The following FER1L6 variants were observed in gnomAD, a reference collection of about 807,000 sequenced individuals.
The protein encoded by FER1L6 is fer-1-like protein 6.
FER1L6 carries 177 observed loss-of-function variants against 219.2 expected under a neutral mutation model. That is an observed-to-expected ratio of 0.81 (90% CI 0.71 to 0.91). The LOEUF is 0.91. Ranked by LOEUF, FER1L6 falls within the 40% of genes least tolerant of loss-of-function variation. The pLI, the probability that FER1L6 is intolerant of heterozygous loss-of-function variation, is 0.00. For synonymous variants in FER1L6, 768 were observed against 824.3 expected (o/e 0.93, Z 1.17); for missense variants, 2,153 against 2,259.9 (o/e 0.95, Z 0.96).
intron 1 of FER1L6, among the ~76,000 whole-genome samples, chr8:123,883,311 G>C (rs970904013): frequency 6.6e-5 from 10 of 152,256 alleles, no homozygotes; most frequent in African/African-American, 2.2e-4. Context: ...AGCTTTACAG[G>C]CTGCCTCAAG....
chr8:123,966,059 C>CAAGT lies in FER1L6; in HGVS notation c.252+3_252+6dup. On this transcript the variant is annotated frameshift_variant and splice_region_variant, in exon 4 of 41. Transcript: ENST00000522917. LOFTEE classifies it high-confidence loss of function. ...TGGGGAGGTCAGATCCCAAAATTAT[C>CAAGT]AAGTAAGTGATTGGCTCTTCCTGCC... 3 of 1,613,650 alleles carry CAAGT rather than the reference C, an allele frequency of 1.9e-6. No individual in the cohort carries two copies. The highest frequency in any genetic ancestry group is 2.5e-6 in the Non-Finnish European group (3 of 1,179,786).
intron 33 of FER1L6, 48 bp downstream of exon 33, chr8:124,082,506 A>G (rs1821602131): frequency 6.4e-7 from 1 of 1,560,260 alleles, no homozygotes; most frequent in South Asian, 1.1e-5. Context: ...AAGCTGTTGT[A>G]GCCTTTAGGG....
At position 123,871,999 on chromosome 8, in the gene FER1L6, C is replaced by G. The variant is rs182744719; in HGVS notation, c.-8+19814C>G. Among the ~76,000 whole-genome samples, 5 of 152,274 alleles carry G rather than the reference C, an allele frequency of 3.3e-5. No individual in the cohort carries two copies. In the East Asian group the frequency reaches 9.6e-4, roughly 29 times the overall value. On this transcript the variant is annotated intron_variant, in intron 1 of 40. Transcript: ENST00000522917. ...TTATAAAGAAAAGAGGTTTAATTGG[C>G]TGTACAGGAAGTATAACACAGGTAT...
intron 5 of FER1L6, among the ~76,000 whole-genome samples, chr8:123,968,777 G>A (rs1815670068): frequency 6.6e-6 from 1 of 152,180 alleles, no homozygotes; most frequent in Non-Finnish European, 1.5e-5. Flanking sequence ...CTCTTATAAT[G>A]TATGATGACA....
intron 1 of FER1L6, among the ~76,000 whole-genome samples, chr8:123,863,917 G>T (rs1019547333): frequency 1.3e-5 from 2 of 150,866 alleles, no homozygotes; most frequent in African/African-American, 5.0e-5. Context: ...ACACTGATGG[G>T]TCTTGACTCT....
At chr8:124,087,232 G>C (rs1478703099) in intron 33 of FER1L6, among the ~76,000 whole-genome samples, 2 of 151,666 alleles carry the variant, frequency 1.3e-5, no homozygotes, top group Non-Finnish European at 2.9e-5. Context: ...CCTCTTGGAG[G>C]CTGTTTTCTA....
At chr8:124,114,894 CGTATAT>C (rs1268271234) in intron 39 of FER1L6, among the ~76,000 whole-genome samples, 8 of 30,930 alleles carry the variant, frequency 2.6e-4, no homozygotes, top group African/African-American at 4.8e-4. Context: ...TGTGTGTGTG[CGTATAT>C]ATATATATAT....
intron 25 of FER1L6, among the ~76,000 whole-genome samples, chr8:124,063,973 G>T (rs1820709274): frequency 6.6e-6 from 1 of 152,090 alleles, no homozygotes; most frequent in Admixed American, 6.5e-5. Context: ...TGGCTCTCTG[G>T]AGCTCCAAAG....
At chr8:123,939,374 A>G (rs527714449) in intron 1 of FER1L6, among the ~76,000 whole-genome samples, 1 of 152,354 alleles carries the variant, frequency 6.6e-6, no homozygotes, top group South Asian at 2.1e-4. Flanking sequence ...TGGAAGGTCT[A>G]TTTGTGAATC....
intron 39 of FER1L6, among the ~76,000 whole-genome samples, chr8:124,105,652 G>A (rs1822737265): frequency 6.6e-6 from 1 of 152,234 alleles, no homozygotes; most frequent in Non-Finnish European, 1.5e-5. Context: ...TGTGCCCATT[G>A]GACTTAACGG....
chr8:123,874,990 A>G (rs940982258), intron 1 of FER1L6, among the ~76,000 whole-genome samples: 7 of 152,056 alleles, frequency 4.6e-5, no homozygotes, highest in Non-Finnish European at 8.8e-5. Context: ...ACGTCAAGAG[A>G]TAGAGACCAT....
Position 123,852,126 on chromosome 8 carries a change from G to A in FER1L6, c.-67G>A, listed in dbSNP as rs549470928. 6.6e-6 allele frequency: 1 copy of A among 152,370 alleles called. No homozygotes were observed. The highest frequency in any genetic ancestry group is 1.5e-5 in the Non-Finnish European group (1 of 68,072). 9.4% of individuals were successfully genotyped at this position (152,370 alleles called of 1,614,324 possible). On this transcript the variant is annotated 5_prime_UTR_variant, in exon 1 of 41. The change creates a new upstream start codon in the 5' untranslated region. Coordinates refer to ENST00000522917, the MANE Select transcript of FER1L6 (RefSeq NM_001039112.2). This position sits in a 1 kb window ranked among gnomAD's most constrained non-coding sequence, Gnocchi z 4.9. ...ACTGCTGCGCTTCATTTGCTGTGAA[G>A]TGAGTCCCTTGATCAGAGCAATGCT...
intron 31 of FER1L6, among the ~76,000 whole-genome samples, chr8:124,075,410 G>A (rs1000650486): frequency 6.6e-6 from 1 of 152,114 alleles, no homozygotes; most frequent in Admixed American, 6.5e-5. Context: ...TCCCCATCTT[G>A]TCCCACTGGA....
At chr8:123,948,357 G>C (rs1180520257) in intron 1 of FER1L6, among the ~76,000 whole-genome samples, 1 of 152,134 alleles carries the variant, frequency 6.6e-6, no homozygotes, top group Non-Finnish European at 1.5e-5. Flanking sequence ...AACATAAAAA[G>C]CCATACCCAC....
intron 12 of FER1L6, among the ~76,000 whole-genome samples, 165 bp from the exon 13 acceptor site, chr8:124,003,002 C>G (rs768453747): frequency 1.1e-3 from 174 of 152,166 alleles, no homozygotes; most frequent in Middle Eastern, 3.4e-3. Context: ...GATGATAGCT[C>G]ATCATCATTG....
At chr8:123,918,608 A>C (rs1813261451) in intron 1 of FER1L6, among the ~76,000 whole-genome samples, 1 of 150,888 alleles carries the variant, frequency 6.6e-6, no homozygotes, top group African/African-American at 2.4e-5. Flanking sequence ...GTTTAGCTGA[A>C]GTCTTGAGAC....
chr8:123,873,064 G>A (rs1055729143), intron 1 of FER1L6, among the ~76,000 whole-genome samples: 1 of 152,150 alleles, frequency 6.6e-6, no homozygotes, highest in African/African-American at 2.4e-5. Flanking sequence ...GTGAAGGCAG[G>A]ACTTCAGAGC....
At chr8:123,880,907 T>C (rs1441443797) in intron 1 of FER1L6, among the ~76,000 whole-genome samples, 1 of 150,802 alleles carries the variant, frequency 6.6e-6, no homozygotes, top group African/African-American at 2.4e-5. Flanking sequence ...CAGGATCCAG[T>C]TGGGGGCTAG....
At chr8:124,023,300 C>A in intron 17 of FER1L6, 144 bp from the exon 18 acceptor site, 1 of 754,994 alleles carries the variant, frequency 1.3e-6, no homozygotes, top group African/African-American at 1.8e-5. Context: ...ATAGATGTTT[C>A]AGTGCCTAGA....
Sources: allele counts gnomAD v4.1 joint callset (sites outside exome capture counted in the v4.1 genomes callset), GRCh38; gene constraint gnomAD v4.1.1; non-coding constraint Gnocchi (gnomAD v3.1); transcripts MANE v1.5; gene names NCBI Gene and HGNC (gene_info 2026-07-23, HGNC 2026-07-21).